MIPOL1: variants seen among roughly 807,000 people sequenced by gnomAD.
MIPOL1 encodes the protein mirror-image polydactyly 1.
MIPOL1 carries 57 observed loss-of-function variants against 60.9 expected under a neutral mutation model. The ratio of observed to expected loss-of-function variants is 0.94; its 90% CI spans 0.76 to 1.17. The LOEUF (loss-of-function observed/expected upper bound fraction) is 1.17. Among genes scored for constraint, MIPOL1 ranks in the 50% most tolerant of loss-of-function variants. The pLI is 0.00. For missense variants in MIPOL1, 551 were observed against 511.6 expected (o/e 1.08, Z -0.74); for synonymous variants, 179 against 168.8 (o/e 1.06, Z -0.47).
rs535861689 is a variant in MIPOL1, at chr14:37,232,086, A to C, written c.-198-15017A>C. ...GACAGAGCCAAACACTGTCTCTAAA[A>C]AAAATTAAAATAAAAAATAAAAAAT... On this transcript the variant is annotated intron_variant, in intron 1 of 12. Coordinates refer to ENST00000684589, the MANE Select transcript of MIPOL1 (RefSeq NM_001388067.1). Among the ~76,000 whole-genome samples the C allele has an allele frequency of 1.7e-3, 265 of 152,254 alleles. 1 individual carries two copies. Among genetic ancestry groups the C allele is most frequent in the African/African-American group, 6.0e-3 (248 of 41,552 alleles).
intron 10 of MIPOL1, among the ~76,000 whole-genome samples, chr14:37,406,495 G>C (rs1413638239): frequency 1.3e-5 from 2 of 152,208 alleles, no homozygotes; most frequent in East Asian, 3.9e-4. Flanking sequence ...GGGAAATAGT[G>C]TCATTTTGAG....
At chr14:37,479,632 AG>A (rs2094831147) in intron 11 of MIPOL1, among the ~76,000 whole-genome samples, 1 of 152,096 alleles carries the variant, frequency 6.6e-6, no homozygotes, top group Non-Finnish European at 1.5e-5. Flanking sequence ...TCAAGGAACT[AG>A]GAAAAGAATA....
chr14:37,524,250 G>A (rs2095431739), intron 12 of MIPOL1, among the ~76,000 whole-genome samples: 1 of 152,144 alleles, frequency 6.6e-6, no homozygotes, highest in Non-Finnish European at 1.5e-5. Context: ...GACTCACTAG[G>A]AAGTAATAGA....
At position 37,297,769 on chromosome 14, in the gene MIPOL1, A is replaced by G. The variant is rs552245264; in HGVS notation, c.624-10287A>G. ...ACAAGGGATGTGAAGGACTTCTTCA[A>G]GGAGAACTACAAACCACTGCTCAAG... On this transcript the variant is annotated intron_variant, in intron 7 of 12. Transcript: ENST00000684589. Among the ~76,000 whole-genome samples the G allele has an allele frequency of 3.9e-5, 6 of 152,086 alleles. No homozygotes were observed. The South Asian group carries it at 1.3e-3, about 32-fold the overall frequency.
chr14:37,328,981 C>G (rs190277236), intron 9 of MIPOL1, among the ~76,000 whole-genome samples: 174 of 151,866 alleles, frequency 1.1e-3, no homozygotes, highest in Middle Eastern at 3.4e-3. Context: ...CTTCCAAAGG[C>G]CAGAGATGAT....
At chr14:37,326,545 C>T (rs757951365) in intron 9 of MIPOL1, among the ~76,000 whole-genome samples, 4 of 152,132 alleles carry the variant, frequency 2.6e-5, no homozygotes, top group Admixed American at 6.6e-5. Flanking sequence ...TCCATTATTC[C>T]CCTGGTAGAT....
chr14:37,289,296 G>T (rs895670867), intron 7 of MIPOL1, among the ~76,000 whole-genome samples: 1 of 152,164 alleles, frequency 6.6e-6, no homozygotes, highest in African/African-American at 2.4e-5. Context: ...TTCTGCAGTG[G>T]ACACCAGCTG....
chr14:37,268,902 T>G, intron 5 of MIPOL1, 109 bp downstream of exon 5: 2 of 901,396 alleles, frequency 2.2e-6, no homozygotes, highest in South Asian at 4.1e-5. Context: ...TTTAATCATT[T>G]AACAGTAGCT....
intron 1 of MIPOL1, among the ~76,000 whole-genome samples, chr14:37,230,957 C>G (rs556400020): frequency 1.3e-5 from 2 of 152,032 alleles, no homozygotes; most frequent in African/African-American, 4.8e-5. Context: ...CTCTATCTAT[C>G]TATCTATATG....
At position 37,499,173 on chromosome 14, in the gene MIPOL1, C is replaced by A. The variant is rs147564473; in HGVS notation, c.1032-735C>A. Among the ~76,000 whole-genome samples, 460 of 151,932 alleles carry A rather than the reference C, an allele frequency of 3.0e-3. 1 individual carries two copies. The highest frequency in any genetic ancestry group is 0.01 in the African/African-American group (416 of 41,430). On this transcript the variant is annotated intron_variant, in intron 11 of 12. Coordinates refer to ENST00000684589, the MANE Select transcript of MIPOL1 (RefSeq NM_001388067.1). ...GTGCTTGGTGCCATTTCAAAATAACCTCAGGTGGTAGGTGTAATGACATAT... is the reference window on the plus strand; with the variant it reads ...GTGCTTGGTGCCATTTCAAAATAACATCAGGTGGTAGGTGTAATGACATAT...
intron 9 of MIPOL1, among the ~76,000 whole-genome samples, chr14:37,338,971 T>C (rs1380727232): frequency 3.3e-5 from 5 of 152,146 alleles, no homozygotes; most frequent in South Asian, 4.1e-4. Flanking sequence ...AAAGAAAATA[T>C]TGATCAATTT....
At chr14:37,513,086 G>A (rs531474405) in intron 12 of MIPOL1, among the ~76,000 whole-genome samples, 1 of 152,046 alleles carries the variant, frequency 6.6e-6, no homozygotes, top group African/African-American at 2.4e-5. Context: ...GACTCAGATG[G>A]CTCCTAAACA....
intron 10 of MIPOL1, among the ~76,000 whole-genome samples, chr14:37,419,734 A>G (rs2093837862): frequency 6.6e-6 from 1 of 151,626 alleles, no homozygotes; most frequent in African/African-American, 2.4e-5. Flanking sequence ...GGAATGGGGT[A>G]GGGGATTTTT....
rs559039222 is a variant in MIPOL1, at chr14:37,248,615, GATATCT to G, written c.19+725_19+730del. 3.5e-3 allele frequency among the ~76,000 whole-genome samples: 531 copies of G among 151,828 alleles called. 2 individuals are homozygous for G. Among genetic ancestry groups the G allele is most frequent in the Non-Finnish European group, 5.8e-3 (393 of 67,938 alleles). The stretch of plus-strand genomic sequence containing the variant: ...CATATAGCGAAAGAGACAAGATACA[GATATCT>G]ATATCTATATCTATATATATATCTC... On this transcript the variant is annotated intron_variant, in intron 3 of 12. Coordinates refer to ENST00000684589, the MANE Select transcript of MIPOL1 (RefSeq NM_001388067.1).
chr14:37,404,315 A>G (rs1485983277), intron 10 of MIPOL1, among the ~76,000 whole-genome samples: 1 of 152,222 alleles, frequency 6.6e-6, no homozygotes, highest in Admixed American at 6.5e-5. Context: ...AATATAAGCT[A>G]GGGAACAAGA....
At position 37,485,370 on chromosome 14, in the gene MIPOL1, A is replaced by T. The variant is rs184423447; in HGVS notation, c.1032-14538A>T. On this transcript the variant is annotated intron_variant, in intron 11 of 12. Transcript: ENST00000684589. ...CCCAGTAATGGTATTGCTGGGTCAA[A>T]TGCTATTTCTGGTTCTAGATCCTTG... Among the ~76,000 whole-genome samples, 82 of 152,236 alleles carry T rather than the reference A, an allele frequency of 5.4e-4. 1 individual carries two copies. The Middle Eastern group carries it at 0.037, about 69-fold the overall frequency.
chr14:37,428,861 A>G (rs764305901), intron 11 of MIPOL1, among the ~76,000 whole-genome samples: 3 of 152,130 alleles, frequency 2.0e-5, no homozygotes, highest in Non-Finnish European at 4.4e-5. Context: ...TTTGGCAGTT[A>G]GGAGCAGTGG....
At position 37,223,457 on chromosome 14, in the gene MIPOL1, A is replaced by G. The variant is rs143888536; in HGVS notation, c.-198-23646A>G. On this transcript the variant is annotated intron_variant, in intron 1 of 12. Transcript: ENST00000684589. ...AGACATATGAGGAGTTTCAAAAACT[A>G]TACTGCCTCTACCACAATATTTTTC... Among the ~76,000 whole-genome samples, 8 of 152,202 alleles carry G rather than the reference A, an allele frequency of 5.3e-5. No homozygotes were observed. In the East Asian group the frequency reaches 1.2e-3, roughly 22 times the overall value.
intron 11 of MIPOL1, among the ~76,000 whole-genome samples, chr14:37,488,799 A>G (rs2094995029): frequency 6.6e-6 from 1 of 152,104 alleles, no homozygotes; most frequent in South Asian, 2.1e-4. Context: ...TTTTCTCCCG[A>G]GAGATCTGCT....
Sources: allele counts gnomAD v4.1 joint callset (sites outside exome capture counted in the v4.1 genomes callset), GRCh38; gene constraint gnomAD v4.1.1; transcripts MANE v1.5; gene names NCBI Gene and HGNC (gene_info 2026-07-23, HGNC 2026-07-21).